Variants in COX16 observed in about 807,000 individuals in gnomAD.
COX16 encodes the protein cytochrome c oxidase assembly protein COX16 homolog, mitochondrial.
COX16 carries 12 observed loss-of-function variants against 15.4 expected under a neutral mutation model. The ratio of observed to expected loss-of-function variants is 0.78; its 90% CI spans 0.50 to 1.26. The LOEUF (loss-of-function observed/expected upper bound fraction) is 1.26. COX16 is among the 50% of genes most tolerant of loss of function. The probability of loss-of-function intolerance (pLI) is 0.00; values close to 1 mark genes in which losing one functional copy is unlikely to be tolerated. For missense variants in COX16, 124 were observed against 127.6 expected, an observed-to-expected ratio of 0.97 and a Z score of 0.14; for synonymous variants, 46 against 41.1, an observed-to-expected ratio of 1.12 and a Z score of -0.46.
rs1886195440 is a variant in COX16 at position 70,329,172 on chromosome 14, A to G, written c.204+2T>C. 1 of 1,606,658 alleles carries G rather than the reference A, an allele frequency of 6.2e-7. No individual in the cohort carries two copies. On this transcript the variant is annotated splice_donor_variant, in intron 3 of 3. Transcript: ENST00000389912. LOFTEE classifies it high-confidence loss of function. ...GACAGAGACTATATTAACATACCGT[A>G]CCTCATATTCCGACTCTAAAGATAT...
intron 2 of COX16, among the ~76,000 whole-genome samples, chr14:70,334,819 C>G (rs1886400179): frequency 1.3e-5 from 2 of 152,162 alleles, no homozygotes; most frequent in African/African-American, 4.8e-5. Context: ...AACTAGAAAA[C>G]AAGCAACAAA....
intron 1 of COX16, among the ~76,000 whole-genome samples, chr14:70,352,543 T>C (rs1594926350): frequency 6.6e-6 from 1 of 151,178 alleles, no homozygotes; most frequent in Non-Finnish European, 1.5e-5. Flanking sequence ...TAACTACATG[T>C]TATATAATTA....
At chr14:70,340,243 T>C (rs1886585207) in intron 2 of COX16, among the ~76,000 whole-genome samples, 1 of 152,166 alleles carries the variant, frequency 6.6e-6, no homozygotes, top group Non-Finnish European at 1.5e-5. Flanking sequence ...CTCTCATTTC[T>C]CTCTCCTGCC....
chr14:70,334,174 CA>C (rs1886375349), intron 2 of COX16, among the ~76,000 whole-genome samples: 1 of 152,066 alleles, frequency 6.6e-6, no homozygotes, highest in African/African-American at 2.4e-5. Flanking sequence ...TTTAGTAAGA[CA>C]AAACTATTAA....
At position 70,325,779 on chromosome 14, in the gene COX16, TATC is replaced by T. The variant is rs759320655; in HGVS notation, c.*551_*553del. 1 of 152,272 alleles carries T rather than the reference TATC, an allele frequency of 6.6e-6. No homozygotes were observed. Among genetic ancestry groups the T allele is most frequent in the South Asian group, 2.1e-4 (1 of 4,832 alleles). The allele number at this position is 152,272 out of a possible 1,614,324, so 9.4% of individuals were successfully genotyped here. A position where few individuals can be genotyped will look rare whatever the true frequency, so the allele number is the denominator to read the frequency against. On this transcript the variant is annotated 3_prime_UTR_variant, in exon 4 of 4. Coordinates refer to ENST00000389912, the MANE Select transcript of COX16 (RefSeq NM_016468.7). ...TATAATTTCCTTGACATGTTAATGGTATCATTGTAATTATCATGTGATGCTTTG... is the reference window on the plus strand; with the variant it reads ...TATAATTTCCTTGACATGTTAATGGTATTGTAATTATCATGTGATGCTTTG...
At chr14:70,334,463 G>C (rs975070273) in intron 2 of COX16, among the ~76,000 whole-genome samples, 4 of 152,184 alleles carry the variant, frequency 2.6e-5, no homozygotes, top group Admixed American at 6.5e-5. Flanking sequence ...GTGGCAGTGA[G>C]CCGAGATTGC....
intron 2 of COX16, among the ~76,000 whole-genome samples, chr14:70,340,911 G>C (rs755749494): frequency 6.6e-6 from 1 of 152,114 alleles, no homozygotes; most frequent in Non-Finnish European, 1.5e-5. Context: ...TGAACGTCTA[G>C]TAATGGCATT....
chr14:70,341,241 TAAATA>T (rs1477230999), intron 2 of COX16, among the ~76,000 whole-genome samples: 1 of 152,194 alleles, frequency 6.6e-6, no homozygotes, highest in African/African-American at 2.4e-5. Context: ...AATTCCTCAT[TAAATA>T]AAATTGTTCT....
Position 70,345,556 on chromosome 14 carries a change from T to C in COX16, c.70-2827A>G, listed in dbSNP as rs1176310810. On this transcript the variant is annotated intron_variant, in intron 1 of 3. Transcript: ENST00000389912. ...AGGCAAGATATTCGCTCTAAGTACC[T>C]GTCTTTTTTGCAATACAGCCTGGCC... 2.6e-5 allele frequency among the ~76,000 whole-genome samples: 4 copies of C among 152,170 alleles called. No homozygotes were observed. The South Asian group carries it at 8.3e-4, about 32-fold the overall frequency.
At chr14:70,327,791 T>C (rs956743771) in intron 3 of COX16, among the ~76,000 whole-genome samples, 6 of 152,138 alleles carry the variant, frequency 3.9e-5, no homozygotes, top group African/African-American at 1.4e-4. Context: ...TGAAGGAGAT[T>C]CCTTGTAGAA....
chr14:70,342,991 A>C (rs1886667608), intron 1 of COX16, among the ~76,000 whole-genome samples: 1 of 152,218 alleles, frequency 6.6e-6, no homozygotes, highest in Non-Finnish European at 1.5e-5. Flanking sequence ...TGACATCATA[A>C]CAAGCATTGT....
In COX16 at chr14:70,336,653, C is replaced by T. The variant is rs201649519; in HGVS notation, c.141+6005G>A. On this transcript the variant is annotated intron_variant, in intron 2 of 3. Transcript: ENST00000389912. ...GCAAATGACCTACTGTTGGTGGGCA[C>T]GAGGAACTGACTGTATTATTGAGAG... 1.2e-4 allele frequency among the ~76,000 whole-genome samples: 18 copies of T among 152,236 alleles called. No homozygotes were observed. The East Asian group carries it at 1.7e-3, about 15-fold the overall frequency.
intron 1 of COX16, 44 bp downstream of exon 1, chr14:70,359,475 G>C (rs755774635): frequency 1.3e-6 from 2 of 1,547,798 alleles, no homozygotes; most frequent in Admixed American, 3.3e-5. Context: ...CTGCCAAGGA[G>C]GAGGGTCCCA....
intron 2 of COX16, among the ~76,000 whole-genome samples, chr14:70,334,650 A>T (rs78397060): frequency 6.6e-6 from 1 of 152,332 alleles, no homozygotes; most frequent in African/African-American, 2.4e-5. Flanking sequence ...ATAAGTTGTT[A>T]TATCTATAGG....
intron 2 of COX16, among the ~76,000 whole-genome samples, chr14:70,340,095 T>C (rs750072538): frequency 2.6e-5 from 4 of 152,198 alleles, no homozygotes; most frequent in African/African-American, 7.2e-5. Flanking sequence ...TTATCTTGAA[T>C]TGTAGTTCCC....
At chr14:70,338,487 T>C (rs1168769892) in intron 2 of COX16, among the ~76,000 whole-genome samples, 1 of 152,192 alleles carries the variant, frequency 6.6e-6, no homozygotes, top group African/African-American at 2.4e-5. Context: ...CTTGGTGCCA[T>C]TTTTCTGTTT....
chr14:70,330,100 A>G (rs1374689771), intron 2 of COX16, among the ~76,000 whole-genome samples: 2 of 152,142 alleles, frequency 1.3e-5, no homozygotes, highest in African/African-American at 4.8e-5. Context: ...AAAGAACATC[A>G]TAAGAAATAA....
chr14:70,329,289 A>G (rs999926483), intron 2 of COX16, 53 bp from the exon 3 acceptor site: 31 of 1,520,940 alleles, frequency 2.0e-5, no homozygotes, highest in Non-Finnish European at 2.5e-5. Context: ...TGTTAGACTC[A>G]ATTTTCAATT....
chr14:70,339,931 T>C (rs1886574257), intron 2 of COX16, among the ~76,000 whole-genome samples: 1 of 152,192 alleles, frequency 6.6e-6, no homozygotes, highest in South Asian at 2.1e-4. Context: ...TCAACTGACC[T>C]TGTCCTCACA....
Sources: allele counts gnomAD v4.1 joint callset (sites outside exome capture counted in the v4.1 genomes callset), GRCh38; gene constraint gnomAD v4.1.1; transcripts MANE v1.5; gene names NCBI Gene and HGNC (gene_info 2026-07-23, HGNC 2026-07-21).